Variants in GMDS observed in about 807,000 individuals in gnomAD.
GMDS encodes the protein GDP-mannose 4,6-dehydratase, also known as GDP-mannose 4,6 dehydratase.
A neutral mutation model predicts 49.9 loss-of-function variants in GMDS; 20 were observed. That is an observed-to-expected ratio of 0.40 (90% CI 0.28 to 0.58). GMDS has a LOEUF of 0.58. Among genes scored for constraint, GMDS ranks in the 20% least tolerant of loss-of-function variants. The probability of loss-of-function intolerance (pLI) is 0.42; values close to 1 mark genes in which losing one functional copy is unlikely to be tolerated. For synonymous variants in GMDS, 177 were observed against 178.6 expected (o/e 0.99, Z 0.07); for missense variants, 362 against 481.4 (o/e 0.75, Z 2.32).
chr6:1,874,134 T>C (rs1343799182), intron 7 of GMDS, among the ~76,000 whole-genome samples: 2 of 152,230 alleles, frequency 1.3e-5, no homozygotes, highest in Admixed American at 6.5e-5. Flanking sequence ...CCTCCGGTGC[T>C]AGGAGTCACT....
intron 7 of GMDS, among the ~76,000 whole-genome samples, chr6:1,857,120 G>A: frequency 6.6e-6 from 1 of 152,164 alleles, no homozygotes; most frequent in East Asian, 1.9e-4. Context: ...ATGCTCTCAG[G>A]CTCTTATCTC....
intron 7 of GMDS, among the ~76,000 whole-genome samples, chr6:1,873,505 A>G (rs1758877574): frequency 1.3e-5 from 2 of 152,244 alleles, no homozygotes; most frequent in Non-Finnish European, 1.5e-5. Flanking sequence ...AACAGGGCAC[A>G]CAACAAGCTT....
rs140143900 is a variant in GMDS, at chr6:1,992,202, C to T, written c.346-31236G>A. Among the ~76,000 whole-genome samples, 1,135 of 152,274 alleles carry T rather than the reference C, an allele frequency of 7.5e-3. 4 individuals carry two copies. Among genetic ancestry groups the T allele is most frequent in the African/African-American group, 0.014 (595 of 41,564 alleles). On this transcript the variant is annotated intron_variant, in intron 4 of 10. Coordinates refer to ENST00000380815, the MANE Select transcript of GMDS (RefSeq NM_001500.4). Reference sequence around the variant, plus strand: ...AGGGGTATTTCTAGCCCAGTACCCCCGCTGAGCTCCAGACTCACACTACAC... The same window carrying T: ...AGGGGTATTTCTAGCCCAGTACCCCTGCTGAGCTCCAGACTCACACTACAC...
chr6:2,191,477 G>A lies in GMDS; in HGVS notation c.102+53844C>T, dbSNP rs1779015103. Among the ~76,000 whole-genome samples the A allele has an allele frequency of 6.6e-6, 1 of 152,200 alleles. No homozygotes were observed. The highest frequency in any genetic ancestry group is 6.5e-5 in the Admixed American group (1 of 15,286). On this transcript the variant is annotated intron_variant, in intron 1 of 10. Coordinates refer to ENST00000380815, the MANE Select transcript of GMDS (RefSeq NM_001500.4). The surrounding 1 kb of genome is among the most constrained non-coding windows in gnomAD (Gnocchi z 4.6). Reference sequence around the variant, plus strand: ...CAGACACATCTGCAGCCGCCCAGGTGGGGCTGTGGACCCGGGCCTCTCTGC... The same window carrying A: ...CAGACACATCTGCAGCCGCCCAGGTAGGGCTGTGGACCCGGGCCTCTCTGC...
intron 7 of GMDS, among the ~76,000 whole-genome samples, chr6:1,779,550 C>T (rs1768990003): frequency 6.6e-6 from 1 of 152,154 alleles, no homozygotes; most frequent in Middle Eastern, 3.4e-3. Context: ...TGCGTGTGAC[C>T]CCTGCAGAGA....
At chr6:1,923,689 A>G (rs561376792) in intron 7 of GMDS, among the ~76,000 whole-genome samples, 1 of 152,320 alleles carries the variant, frequency 6.6e-6, no homozygotes, top group Admixed American at 6.5e-5. Flanking sequence ...AAGTAAACGG[A>G]GCACCCTGTC....
intron 4 of GMDS, among the ~76,000 whole-genome samples, chr6:2,068,429 G>A (rs1199989597): frequency 6.6e-6 from 1 of 152,086 alleles, no homozygotes; most frequent in Admixed American, 6.6e-5. Context: ...AATTAGGCAG[G>A]AGAAGGAAAT....
chr6:1,958,102 G>A (rs1291557406), intron 6 of GMDS, among the ~76,000 whole-genome samples: 2 of 145,546 alleles, frequency 1.4e-5, no homozygotes, highest in African/African-American at 2.6e-5. Flanking sequence ...CACTGTGCCT[G>A]GCCTTAAAAT....
intron 4 of GMDS, among the ~76,000 whole-genome samples, chr6:2,054,697 C>T (rs929251414): frequency 2.0e-5 from 3 of 151,970 alleles, no homozygotes; most frequent in African/African-American, 7.2e-5. Flanking sequence ...ATTTCAGTTA[C>T]CACCCATGAG....
At chr6:1,913,775 G>A (rs919316546) in intron 7 of GMDS, among the ~76,000 whole-genome samples, 2 of 152,158 alleles carry the variant, frequency 1.3e-5, no homozygotes, top group Admixed American at 6.5e-5. Context: ...AACAGGAAAC[G>A]AAGCCAGATG....
chr6:1,691,346 G>A (rs978611026), intron 9 of GMDS, among the ~76,000 whole-genome samples: 3 of 151,866 alleles, frequency 2.0e-5, no homozygotes, highest in African/African-American at 4.8e-5. Flanking sequence ...ACACACACTG[G>A]GGCCTGTTGC....
intron 1 of GMDS, among the ~76,000 whole-genome samples, chr6:2,142,363 A>T (rs1776343289): frequency 6.6e-6 from 1 of 152,142 alleles, no homozygotes; most frequent in Non-Finnish European, 1.5e-5. Context: ...ATTAGTTAAG[A>T]TTAGGTCATA....
intron 1 of GMDS, among the ~76,000 whole-genome samples, chr6:2,177,986 C>A (rs1581755075): frequency 6.6e-6 from 1 of 152,124 alleles, no homozygotes; most frequent in African/African-American, 2.4e-5. Flanking sequence ...TCCTTTGCAG[C>A]AACATGGATG....
rs12200671 is a variant in GMDS at position 1,992,500 on chromosome 6, C to A, written c.346-31534G>T. ...CTCAACACACCAGGCATGTTCCCGA[C>A]CTAGGGGCTTTGCAGCACCTGTTCC... On this transcript the variant is annotated intron_variant, in intron 4 of 10. Transcript: ENST00000380815. Among the ~76,000 whole-genome samples, 1,420 of 152,290 alleles carry A rather than the reference C, an allele frequency of 9.3e-3. 8 individuals carry two copies. The highest frequency in any genetic ancestry group is 0.016 in the Non-Finnish European group (1,060 of 68,016).
rs184690982 is a variant in GMDS at position 1,768,034 on chromosome 6, G to C, written c.772-25448C>G. ...AGTTTCATAATAAAGGTAAAAAGTGGGTCTGGTGGTGTTAAAATAGGTATT... is the reference window on the plus strand; with the variant it reads ...AGTTTCATAATAAAGGTAAAAAGTGCGTCTGGTGGTGTTAAAATAGGTATT... On this transcript the variant is annotated intron_variant, in intron 7 of 10. Coordinates refer to ENST00000380815, the MANE Select transcript of GMDS (RefSeq NM_001500.4). Among the ~76,000 whole-genome samples the C allele has an allele frequency of 1.7e-4, 26 of 151,950 alleles. No individual in the cohort carries two copies. The East Asian group carries it at 5.0e-3, about 29-fold the overall frequency.
chr6:1,684,466 G>A (rs1000010055), intron 9 of GMDS, among the ~76,000 whole-genome samples: 3 of 152,178 alleles, frequency 2.0e-5, no homozygotes, highest in Admixed American at 6.5e-5. Context: ...TCAGGTGAAC[G>A]GCTGTGCGGC....
Position 2,245,500 on chromosome 6 carries a change from G to A in GMDS, c.-78C>T, listed in dbSNP as rs1781828926. On this transcript the variant is annotated 5_prime_UTR_variant, in exon 1 of 11. Coordinates refer to ENST00000380815, the MANE Select transcript of GMDS (RefSeq NM_001500.4). ...GCGCGGTGCCGGCAGGAACGCGGGG[G>A]TGTGCAGCACGAAGCGCCTCTCCAG... 2 of 776,456 alleles carry A rather than the reference G, an allele frequency of 2.6e-6. No individual in the cohort carries two copies. Among genetic ancestry groups the A allele is most frequent in the Non-Finnish European group, 3.7e-6 (2 of 544,960 alleles). The allele number at this position is 776,456 out of a possible 1,614,324, so 48.1% of individuals were successfully genotyped here. A position where few individuals can be genotyped will look rare whatever the true frequency, so the allele number is the denominator to read the frequency against.
intron 7 of GMDS, among the ~76,000 whole-genome samples, chr6:1,919,038 C>T (rs1001848470): frequency 6.6e-6 from 1 of 152,272 alleles, no homozygotes; most frequent in South Asian, 2.1e-4. Context: ...GAACACATTT[C>T]ATATATACAG....
chr6:2,145,056 C>T (rs1220866602), intron 1 of GMDS, among the ~76,000 whole-genome samples: 1 of 152,152 alleles, frequency 6.6e-6, no homozygotes, highest in African/African-American at 2.4e-5. Flanking sequence ...GGTCCTGGGA[C>T]AGCACTAAAG....
Sources: gnomAD v4.1 joint callset for allele counts (sites outside exome capture counted in the v4.1 genomes callset) on GRCh38, gnomAD v4.1.1 for gene constraint, Gnocchi (gnomAD v3.1) non-coding constraint, MANE v1.5 for transcripts, NCBI Gene and HGNC (gene_info 2026-07-23, HGNC 2026-07-21) for gene names.